The following EHBP1 variants were observed in gnomAD, a reference collection of about 807,000 sequenced individuals.
EHBP1 encodes EH domain binding protein 1.
Under a neutral mutation model 144.0 loss-of-function variants are expected in EHBP1, and 55 were observed. The observed-to-expected ratio is 0.38, with a 90% CI of 0.31 to 0.48. The LOEUF (loss-of-function observed/expected upper bound fraction) is 0.48. EHBP1 is among the 20% of genes least tolerant of loss of function. The pLI, the probability that EHBP1 is intolerant of heterozygous loss-of-function variation, is 0.98. For synonymous variants in EHBP1, 469 were observed against 472.7 expected (o/e 0.99, Z 0.10); for missense variants, 1,200 against 1,364.2 (o/e 0.88, Z 1.90).
At chr2:62,795,264 A>G (rs1159336812) in intron 5 of EHBP1, among the ~76,000 whole-genome samples, 1 of 151,614 alleles carries the variant, frequency 6.6e-6, no homozygotes, top group Non-Finnish European at 1.5e-5. Flanking sequence ...CCTCCATCCT[A>G]CCCCATTGTG....
chr2:62,963,162 G>A (rs1023997475), intron 14 of EHBP1, among the ~76,000 whole-genome samples: 8 of 152,136 alleles, frequency 5.3e-5, no homozygotes, highest in Non-Finnish European at 8.8e-5. Context: ...TTTTAAGCTC[G>A]CCTTTGGAAG....
intron 14 of EHBP1, chr2:62,965,016 G>C (rs1050891391): frequency 6.6e-6 from 1 of 152,586 alleles, no homozygotes; most frequent in Non-Finnish European, 1.5e-5. Context: ...GAAAATTCAC[G>C]AAAGAAGTCC....
chr2:62,716,778 C>T (rs889853774), intron 2 of EHBP1, among the ~76,000 whole-genome samples: 4 of 152,142 alleles, frequency 2.6e-5, no homozygotes, highest in Non-Finnish European at 2.9e-5. Flanking sequence ...TTCCTCTTCC[C>T]GAGGCCCTTT....
At chr2:62,819,772 A>AAC (rs1282853820) in intron 5 of EHBP1, among the ~76,000 whole-genome samples, 2 of 112,540 alleles carry the variant, frequency 1.8e-5, no homozygotes, top group Non-Finnish European at 4.5e-5. Context: ...TCAAAAAAAC[A>AAC]AAAAAAAAAA....
At chr2:62,923,311 T>C (rs1038654459) in intron 10 of EHBP1, among the ~76,000 whole-genome samples, 3 of 152,136 alleles carry the variant, frequency 2.0e-5, no homozygotes, top group African/African-American at 7.2e-5. Context: ...TTGCCCAGGG[T>C]GAACCTACCC....
chr2:62,851,300 C>T (rs541334288), intron 7 of EHBP1, among the ~76,000 whole-genome samples: 2 of 152,304 alleles, frequency 1.3e-5, no homozygotes, highest in Non-Finnish European at 2.9e-5. Flanking sequence ...CCATCTAATT[C>T]CATTTCCTAT....
chr2:62,824,460 T>G (rs963944123), intron 5 of EHBP1, among the ~76,000 whole-genome samples: 1 of 152,036 alleles, frequency 6.6e-6, no homozygotes, highest in African/African-American at 2.4e-5. Context: ...CTTTTTCATT[T>G]TGCTCATTGT....
At chr2:62,786,488 C>G (rs2042812823) in intron 5 of EHBP1, among the ~76,000 whole-genome samples, 2 of 152,092 alleles carry the variant, frequency 1.3e-5, no homozygotes, top group South Asian at 4.1e-4. Flanking sequence ...GACTCTACCT[C>G]TTGATTGGGA....
At chr2:62,798,242 C>T (rs1455749879) in intron 5 of EHBP1, among the ~76,000 whole-genome samples, 1 of 152,104 alleles carries the variant, frequency 6.6e-6, no homozygotes, top group African/African-American at 2.4e-5. Flanking sequence ...GTGGCGCATG[C>T]CTTTAATCCC....
At chr2:62,988,249 T>C (rs1470047036) in intron 15 of EHBP1, among the ~76,000 whole-genome samples, 1 of 152,126 alleles carries the variant, frequency 6.6e-6, no homozygotes, top group Non-Finnish European at 1.5e-5. Flanking sequence ...GAATAGCAAA[T>C]TGTAGTTTGT....
chr2:62,788,334 G>T (rs1195628347), intron 5 of EHBP1, among the ~76,000 whole-genome samples: 2 of 151,928 alleles, frequency 1.3e-5, no homozygotes, highest in Non-Finnish European at 2.9e-5. Flanking sequence ...ATTCGTATGT[G>T]TTGTGATGTT....
chr2:62,959,335 A>G (rs2057883385), intron 14 of EHBP1, among the ~76,000 whole-genome samples: 1 of 152,214 alleles, frequency 6.6e-6, no homozygotes, highest in South Asian at 2.1e-4. Context: ...TGCAGTGAAC[A>G]TAGGAGTGCT....
chr2:62,923,761 G>A (rs951494109), intron 10 of EHBP1, among the ~76,000 whole-genome samples: 5 of 152,132 alleles, frequency 3.3e-5, no homozygotes, highest in Non-Finnish European at 7.4e-5. Flanking sequence ...AAGCAACTTT[G>A]CAGTTCACCC....
rs150747686 is a variant in EHBP1 at position 62,756,506 on chromosome 2, T to C, written c.163-7760T>C. Among the ~76,000 whole-genome samples, 205 of 152,304 alleles carry C rather than the reference T, an allele frequency of 1.3e-3. 4 individuals carry two copies. In the East Asian group the frequency reaches 0.035, roughly 26 times the overall value. ...GTTTTAGGCTGCGCGTGTTGGCTCA[T>C]GCCTGTAATCCCAGCACTTTGGGAG... On this transcript the variant is annotated intron_variant, in intron 3 of 22. Coordinates refer to ENST00000431489, the MANE Select transcript of EHBP1 (RefSeq NM_001142616.3).
At chr2:62,933,370 G>C (rs548274598) in intron 10 of EHBP1, among the ~76,000 whole-genome samples, 6 of 152,076 alleles carry the variant, frequency 3.9e-5, no homozygotes, top group Non-Finnish European at 7.4e-5. Context: ...TAATGTTAAA[G>C]AGAATTTAAA....
At chr2:62,688,230 T>C (rs2033783483) in intron 1 of EHBP1, among the ~76,000 whole-genome samples, 1 of 152,172 alleles carries the variant, frequency 6.6e-6, no homozygotes, top group African/African-American at 2.4e-5. Flanking sequence ...TCCTTACAGT[T>C]TGTAAATTTA....
chr2:62,988,804 G>A (rs987525676), intron 15 of EHBP1, among the ~76,000 whole-genome samples: 1 of 152,136 alleles, frequency 6.6e-6, no homozygotes, highest in Non-Finnish European at 1.5e-5. Context: ...TAGACTCAAA[G>A]GAGGGAGGCA....
intron 19 of EHBP1, among the ~76,000 whole-genome samples, chr2:63,024,541 A>G (rs565211117): frequency 2.0e-5 from 3 of 147,884 alleles, no homozygotes; most frequent in Non-Finnish European, 4.5e-5. Flanking sequence ...GGTCAAGGCT[A>G]TAGTGAGCTG....
intron 10 of EHBP1, among the ~76,000 whole-genome samples, chr2:62,897,961 G>A (rs1235104129): frequency 6.6e-6 from 1 of 152,132 alleles, no homozygotes; most frequent in East Asian, 1.9e-4. Context: ...TCTCTAAAGA[G>A]CTGAATTTTA....
Sources: allele counts gnomAD v4.1 joint callset (sites outside exome capture counted in the v4.1 genomes callset), GRCh38; gene constraint gnomAD v4.1.1; transcripts MANE v1.5; gene names NCBI Gene and HGNC (gene_info 2026-07-23, HGNC 2026-07-21).